Variants in CACNA2D1 observed in about 807,000 individuals in gnomAD.
CACNA2D1 encodes the protein voltage-dependent calcium channel subunit alpha-2/delta-1.
A neutral mutation model predicts 171.5 loss-of-function variants in CACNA2D1; 53 were observed. The ratio of observed to expected loss-of-function variants is 0.31; its 90% CI spans 0.25 to 0.39. CACNA2D1 has a LOEUF of 0.39. CACNA2D1 is among the 10% of genes least tolerant of loss of function. CACNA2D1 has a pLI of 1.00. For missense variants in CACNA2D1, 903 were observed against 1,299.8 expected, an observed-to-expected ratio of 0.69 and a Z score of 4.69; for synonymous variants, 442 against 443.1, an observed-to-expected ratio of 1.00 and a Z score of 0.03.
intron 6 of CACNA2D1, among the ~76,000 whole-genome samples, chr7:82,094,538 T>C (rs1212458069): frequency 6.6e-6 from 1 of 152,228 alleles, no homozygotes; most frequent in Non-Finnish European, 1.5e-5. Flanking sequence ...GATTTTAATG[T>C]ACTCATTAGA....
At chr7:82,322,451 CAAAAAA>C (rs11440104) in intron 3 of CACNA2D1, among the ~76,000 whole-genome samples, 41 of 103,924 alleles carry the variant, frequency 3.9e-4, no homozygotes, top group African/African-American at 1.3e-3. Flanking sequence ...CCTGGCTTTA[CAAAAAA>C]AAAAAAAAAA....
intron 35 of CACNA2D1, 25 bp from the exon 36 acceptor site, chr7:81,962,048 A>C: frequency 6.2e-7 from 1 of 1,611,456 alleles, no homozygotes; most frequent in Non-Finnish European, 8.5e-7. Context: ...GACGGTGTAA[A>C]AACAAAGAAC....
chr7:82,250,069 A>C (rs1336870193), intron 3 of CACNA2D1, among the ~76,000 whole-genome samples: 1 of 152,216 alleles, frequency 6.6e-6, no homozygotes, highest in Non-Finnish European at 1.5e-5. Flanking sequence ...CAAGCAAGTA[A>C]ACAGAGAGAG....
At chr7:82,375,258 C>T (rs1822888590) in intron 1 of CACNA2D1, among the ~76,000 whole-genome samples, 1 of 152,058 alleles carries the variant, frequency 6.6e-6, no homozygotes, top group Admixed American at 6.6e-5. Flanking sequence ...TCTGTCTTAC[C>T]CCATCACCCT....
chr7:82,331,296 C>T (rs558884040), intron 3 of CACNA2D1, among the ~76,000 whole-genome samples: 10 of 152,218 alleles, frequency 6.6e-5, no homozygotes, highest in African/African-American at 2.4e-4. Context: ...ATGTTTTCCA[C>T]TGTATTTACC....
intron 22 of CACNA2D1, among the ~76,000 whole-genome samples, chr7:81,984,305 T>C (rs1201957752): frequency 6.6e-6 from 1 of 152,264 alleles, no homozygotes; most frequent in East Asian, 1.9e-4. Flanking sequence ...TGTTGATAAG[T>C]AGCATGTGAA....
At chr7:82,121,848 TA>T (rs1237250613) in intron 5 of CACNA2D1, among the ~76,000 whole-genome samples, 3 of 152,160 alleles carry the variant, frequency 2.0e-5, no homozygotes, top group African/African-American at 4.8e-5. Flanking sequence ...ATTCTTCAGG[TA>T]ATAAAAATAT....
At chr7:82,316,009 G>C (rs2129435498) in intron 3 of CACNA2D1, among the ~76,000 whole-genome samples, 1 of 150,590 alleles carries the variant, frequency 6.6e-6, no homozygotes, top group South Asian at 2.1e-4. Context: ...GGGAATTCTA[G>C]GCACCAAAAA....
intron 3 of CACNA2D1, among the ~76,000 whole-genome samples, chr7:82,179,053 G>C (rs1051108997): frequency 6.6e-6 from 1 of 151,720 alleles, no homozygotes; most frequent in Non-Finnish European, 1.5e-5. Flanking sequence ...GGCCACAAAA[G>C]CTGTCCTCCT....
At chr7:81,956,126 C>T (rs969925736) in intron 38 of CACNA2D1, among the ~76,000 whole-genome samples, 1 of 151,070 alleles carries the variant, frequency 6.6e-6, no homozygotes, top group East Asian at 2.0e-4. Flanking sequence ...TAGCTGGGAC[C>T]ACCATGCCCA....
At chr7:82,398,072 G>T (rs891965100) in intron 1 of CACNA2D1, among the ~76,000 whole-genome samples, 1 of 152,116 alleles carries the variant, frequency 6.6e-6, no homozygotes, top group Non-Finnish European at 1.5e-5. Context: ...CTACTCTTTC[G>T]TCTGAATATC....
At chr7:82,192,390 A>T (rs1798386569) in intron 3 of CACNA2D1, among the ~76,000 whole-genome samples, 1 of 124,570 alleles carries the variant, frequency 8.0e-6, no homozygotes, top group Non-Finnish European at 1.7e-5. Context: ...GTTAACAAAA[A>T]ACAGGGGAAA....
chr7:82,266,072 T>C (rs1324302407), intron 3 of CACNA2D1, among the ~76,000 whole-genome samples: 1 of 152,162 alleles, frequency 6.6e-6, no homozygotes, highest in Non-Finnish European at 1.5e-5. Context: ...CCATTTCTTA[T>C]AAAATTATAT....
intron 6 of CACNA2D1, among the ~76,000 whole-genome samples, chr7:82,111,112 G>T (rs1295561834): frequency 6.6e-6 from 1 of 151,346 alleles, no homozygotes; most frequent in Non-Finnish European, 1.5e-5. Flanking sequence ...TCATTCCTAT[G>T]ATATATATTT....
intron 4 of CACNA2D1, among the ~76,000 whole-genome samples, chr7:82,143,952 T>C (rs1792690360): frequency 6.6e-6 from 1 of 152,170 alleles, no homozygotes; most frequent in Non-Finnish European, 1.5e-5. Context: ...CAGAAACTGT[T>C]TATTCACCCA....
intron 36 of CACNA2D1, among the ~76,000 whole-genome samples, chr7:81,960,334 C>A (rs557729113): frequency 6.6e-6 from 1 of 151,948 alleles, no homozygotes; most frequent in African/African-American, 2.4e-5. Flanking sequence ...ACTAGCCACT[C>A]GAGGGTATTG....
chr7:82,422,357 T>G (rs1828790868), intron 1 of CACNA2D1, among the ~76,000 whole-genome samples: 1 of 152,146 alleles, frequency 6.6e-6, no homozygotes, highest in Admixed American at 6.6e-5. Flanking sequence ...ATAAGGAAAT[T>G]TATCAATAAC....
At chr7:82,400,109 GTAGTA>G (rs1297073549) in intron 1 of CACNA2D1, among the ~76,000 whole-genome samples, 2 of 150,660 alleles carry the variant, frequency 1.3e-5, no homozygotes, top group Non-Finnish European at 3.0e-5. Flanking sequence ...CTGTAGCCTT[GTAGTA>G]TAGTTTGAAG....
At chr7:82,380,912 C>G (rs1424062638) in intron 1 of CACNA2D1, among the ~76,000 whole-genome samples, 1 of 152,036 alleles carries the variant, frequency 6.6e-6, no homozygotes, top group Non-Finnish European at 1.5e-5. Flanking sequence ...CCAGGCTGAT[C>G]TTGAACTTTT....
Sources: allele counts gnomAD v4.1 joint callset (sites outside exome capture counted in the v4.1 genomes callset), GRCh38; gene constraint gnomAD v4.1.1; transcripts MANE v1.5; gene names NCBI Gene and HGNC (gene_info 2026-07-23, HGNC 2026-07-21).